FHIT: variants seen among roughly 807,000 people sequenced by gnomAD.
FHIT encodes bis(5'-adenosyl)-triphosphatase.
In FHIT, 19 loss-of-function variants were observed where a neutral mutation model predicts 17.9. The ratio of observed to expected loss-of-function variants is 1.06; its 90% confidence interval spans 0.74 to 1.56. The LOEUF is 1.56. FHIT is among the 40% of genes most tolerant of loss of function. FHIT has a pLI of 0.00. For missense variants in FHIT, 248 were observed against 189.2 expected (o/e 1.31, Z -1.82); for synonymous variants, 81 against 69.7 (o/e 1.16, Z -0.81).
At chr3:60,526,819 G>A (rs1387069516) in intron 5 of FHIT, among the ~76,000 whole-genome samples, 1 of 152,148 alleles carries the variant, frequency 6.6e-6, no homozygotes, top group Non-Finnish European at 1.5e-5. Context: ...TCAAGCCAAA[G>A]AACAAGATGC....
intron 1 of FHIT, among the ~76,000 whole-genome samples, chr3:61,231,155 AAC>A (rs145581545): frequency 0.11 from 16,495 of 152,198 alleles, 1,158 homozygotes; most frequent in South Asian, 0.21. Flanking sequence ...TAGTTCTTAC[AAC>A]TGCATGTGAA....
At chr3:60,380,353 TTCCTCTG>T (rs1252997577) in intron 5 of FHIT, among the ~76,000 whole-genome samples, 11 of 152,300 alleles carry the variant, frequency 7.2e-5, no homozygotes, top group African/African-American at 2.6e-4. Context: ...GATACTAAGT[TTCCTCTG>T]GCCTCTGCAG....
At chr3:60,057,656 T>G (rs1429757832) in intron 5 of FHIT, among the ~76,000 whole-genome samples, 1 of 151,736 alleles carries the variant, frequency 6.6e-6, no homozygotes, top group African/African-American at 2.4e-5. Context: ...TTGTTTTAAC[T>G]GAGTTCCTTC....
chr3:60,550,054 G>T (rs2036495354), intron 4 of FHIT, among the ~76,000 whole-genome samples: 1 of 152,068 alleles, frequency 6.6e-6, no homozygotes, highest in Non-Finnish European at 1.5e-5. Flanking sequence ...AACACTAGGG[G>T]CTCAATTGTT....
intron 5 of FHIT, among the ~76,000 whole-genome samples, chr3:60,271,184 G>A (rs1576399230): frequency 6.6e-6 from 1 of 152,038 alleles, no homozygotes; most frequent in African/African-American, 2.4e-5. Context: ...CAGATCTCTT[G>A]AGCTCAGGAG....
chr3:61,244,945 T>C (rs2040454989), intron 1 of FHIT, among the ~76,000 whole-genome samples: 1 of 152,142 alleles, frequency 6.6e-6, no homozygotes. Context: ...AATCTGTCTT[T>C]TGTTACAGGG....
rs78594387 is a variant in FHIT at position 60,459,871 on chromosome 3, T to C, written c.103+76989A>G. Among the ~76,000 whole-genome samples the C allele has an allele frequency of 2.2e-3, 340 of 152,244 alleles. 1 individual carries two copies. The highest frequency in any genetic ancestry group is 7.7e-3 in the African/African-American group (319 of 41,548). ...CCAATTTCAGAAATGTTCAAATATA[T>C]TGGGGTTGGGGAGGTGAGCAGGGCA... is the stretch of plus-strand genomic sequence containing the variant. On this transcript the variant is annotated intron_variant, in intron 5 of 9. Coordinates refer to ENST00000492590, the MANE Select transcript of FHIT (RefSeq NM_002012.4).
intron 8 of FHIT, among the ~76,000 whole-genome samples, chr3:59,922,044 G>A (rs1459059906): frequency 6.6e-6 from 1 of 152,118 alleles, no homozygotes; most frequent in Non-Finnish European, 1.5e-5. Flanking sequence ...TTCTTCTATG[G>A]AGATTCTGGG....
At chr3:60,011,301 C>T in intron 7 of FHIT, 70 bp downstream of exon 7, 1 of 1,430,544 alleles carries the variant, frequency 7.0e-7, no homozygotes, top group East Asian at 2.3e-5. Context: ...CTGCATATGA[C>T]TCGTTGTGAT....
chr3:60,119,426 A>G (rs1482081509), intron 5 of FHIT, among the ~76,000 whole-genome samples: 1 of 152,178 alleles, frequency 6.6e-6, no homozygotes, highest in Admixed American at 6.5e-5. Flanking sequence ...TAAATAAATG[A>G]AGATGCATCT....
intron 5 of FHIT, among the ~76,000 whole-genome samples, chr3:60,295,280 A>G (rs954097096): frequency 1.3e-5 from 2 of 152,120 alleles, no homozygotes; most frequent in Admixed American, 6.6e-5. Flanking sequence ...GATATAAAGG[A>G]AGACCTGAAA....
chr3:60,043,446 G>T (rs1401474126), intron 5 of FHIT, among the ~76,000 whole-genome samples: 1 of 152,138 alleles, frequency 6.6e-6, no homozygotes, highest in Non-Finnish European at 1.5e-5. Context: ...TTCACAAGGT[G>T]AGACTGATAT....
chr3:60,682,451 A>G (rs1188155241), intron 4 of FHIT, among the ~76,000 whole-genome samples: 7 of 152,254 alleles, frequency 4.6e-5, no homozygotes, highest in Non-Finnish European at 7.3e-5. Flanking sequence ...CTCATTGACC[A>G]TTCTGAAAAT....
chr3:60,886,314 G>A (rs9849474), intron 3 of FHIT, among the ~76,000 whole-genome samples: 38,014 of 152,114 alleles, frequency 0.25, 5,393 homozygotes, highest in African/African-American at 0.37. Flanking sequence ...TTGGCAAGGC[G>A]CCTATGCTAA....
intron 5 of FHIT, among the ~76,000 whole-genome samples, chr3:60,108,200 T>C (rs1704510334): frequency 6.6e-6 from 1 of 152,218 alleles, no homozygotes; most frequent in Non-Finnish European, 1.5e-5. Flanking sequence ...GTTATTTCCA[T>C]CATAAGGCAT....
At chr3:60,202,179 A>G (rs1224458933) in intron 5 of FHIT, among the ~76,000 whole-genome samples, 1 of 152,226 alleles carries the variant, frequency 6.6e-6, no homozygotes, top group Non-Finnish European at 1.5e-5. Context: ...TTCGTCACTA[A>G]TTATCATTGT....
intron 5 of FHIT, among the ~76,000 whole-genome samples, chr3:60,392,777 G>C (rs1374183581): frequency 1.3e-5 from 2 of 152,308 alleles, no homozygotes; most frequent in South Asian, 4.1e-4. Flanking sequence ...CTACCAAGAG[G>C]TGGAAATGGG....
At chr3:59,807,860 G>A (rs1700263422) in intron 8 of FHIT, among the ~76,000 whole-genome samples, 1 of 152,206 alleles carries the variant, frequency 6.6e-6, no homozygotes, top group Admixed American at 6.5e-5. Flanking sequence ...TTGGTTTCAT[G>A]GAGCAGGTAG....
chr3:60,563,169 G>C (rs1394767229), intron 4 of FHIT, among the ~76,000 whole-genome samples: 3 of 152,136 alleles, frequency 2.0e-5, no homozygotes, highest in Admixed American at 2.0e-4. Context: ...AGCTACAAAG[G>C]CGAGCCCGAT....
Sources: allele counts gnomAD v4.1 joint callset (sites outside exome capture counted in the v4.1 genomes callset), GRCh38; gene constraint gnomAD v4.1.1; transcripts MANE v1.5; gene names NCBI Gene and HGNC (gene_info 2026-07-23, HGNC 2026-07-21).